Variants in OR51L1 observed in about 807,000 individuals in gnomAD.
OR51L1 encodes olfactory receptor 51L1.
OR51L1 carries 1 observed loss-of-function variant against 1.4 expected under a neutral mutation model. The observed-to-expected ratio is 0.72, with a 90% confidence interval of 0.26 to 3.42. The LOEUF (loss-of-function observed/expected upper bound fraction) is 3.42, where lower values mean the gene tolerates loss of function less well. OR51L1 is among the 30% of genes most tolerant of loss of function. OR51L1 has a pLI of 0.20. For missense variants in OR51L1, 378 were observed against 380.0 expected, an observed-to-expected ratio of 0.99 and a Z score of 0.04; for synonymous variants, 156 against 144.2, an observed-to-expected ratio of 1.08 and a Z score of -0.59.
In OR51L1 at chr11:5,000,013, C is replaced by T; in HGVS notation, c.*83C>T. On this transcript the variant is annotated 3_prime_UTR_variant, in exon 3 of 3. Coordinates refer to ENST00000641819, the MANE Select transcript of OR51L1 (RefSeq NM_001004755.2). ...TGAAAAGTAAAATATCTGGGTGTTG[C>T]TCATCTGGTTAAAATCCTAATTCTT... 1 of 1,307,962 alleles carries T rather than the reference C, an allele frequency of 7.6e-7. No individual in the cohort carries two copies. Among genetic ancestry groups the T allele is most frequent in the Non-Finnish European group, 1.0e-6 (1 of 971,436 alleles). 81.0% of individuals were successfully genotyped at this position (1,307,962 alleles called of 1,614,324 possible). A position where few individuals can be genotyped will look rare whatever the true frequency, so the allele number is the denominator to read the frequency against.
At chr11:4,997,798 T>C (rs1847085680) in intron 2 of OR51L1, among the ~76,000 whole-genome samples, 1 of 152,146 alleles carries the variant, frequency 6.6e-6, no homozygotes. Flanking sequence ...CAGATGTTAA[T>C]ATCATATTTT....
At chr11:4,998,058 T>C (rs1847087848) in intron 2 of OR51L1, among the ~76,000 whole-genome samples, 1 of 152,134 alleles carries the variant, frequency 6.6e-6, no homozygotes, top group African/African-American at 2.4e-5. Flanking sequence ...AAACATGTAA[T>C]AGATAACTGT....
Position 5,001,381 on chromosome 11 carries a change from A to C in OR51L1, c.*1451A>C, listed in dbSNP as rs1188125457. 6.6e-6 allele frequency: 1 copy of C among 152,224 alleles called. No individual in the cohort carries two copies. Among genetic ancestry groups the C allele is most frequent in the Non-Finnish European group, 1.5e-5 (1 of 68,038 alleles). 9.4% of individuals were successfully genotyped at this position (152,224 alleles called of 1,614,324 possible). A position where few individuals can be genotyped will look rare whatever the true frequency, so the allele number is the denominator to read the frequency against. On this transcript the variant is annotated 3_prime_UTR_variant, in exon 3 of 3. Coordinates refer to ENST00000641819, the MANE Select transcript of OR51L1 (RefSeq NM_001004755.2). ...TTGTAAAATATACATATATATTTTA[A>C]AGAAAATGGGGTACTCAGTTACAGG...
chr11:5,002,853 T>A lies in OR51L1; in HGVS notation c.*2923T>A, dbSNP rs1456653373. On this transcript the variant is annotated 3_prime_UTR_variant, in exon 3 of 3. Coordinates refer to ENST00000641819, the MANE Select transcript of OR51L1 (RefSeq NM_001004755.2). Reference sequence around the variant, plus strand: ...AACAAACTGCACACTAAATTTTACCTCAAAGTCTGCTTCCCAGAGAACCCT... The same window carrying A: ...AACAAACTGCACACTAAATTTTACCACAAAGTCTGCTTCCCAGAGAACCCT... 6.6e-6 allele frequency: 1 copy of A among 152,148 alleles called. No individual in the cohort carries two copies. The highest frequency in any genetic ancestry group is 2.4e-5 in the African/African-American group (1 of 41,430). 9.4% of individuals were successfully genotyped at this position (152,148 alleles called of 1,614,324 possible). A position where few individuals can be genotyped will look rare whatever the true frequency, so the allele number is the denominator to read the frequency against.
At position 5,004,536 on chromosome 11, in the gene OR51L1, A is replaced by G. The variant is rs1847159578; in HGVS notation, c.*4606A>G. 1 of 152,164 alleles carries G rather than the reference A, an allele frequency of 6.6e-6. No individual in the cohort carries two copies. Among genetic ancestry groups the G allele is most frequent in the Admixed American group, 6.6e-5 (1 of 15,266 alleles). The allele number at this position is 152,164 out of a possible 1,614,324, so 9.4% of individuals were successfully genotyped here. On this transcript the variant is annotated 3_prime_UTR_variant, in exon 3 of 3. Transcript: ENST00000641819. ...GTTGAAATTTGATAGGATGAGTATT[A>G]CTAAATATTTCTCATTACACGCCTC...
At chr11:4,996,158 G>A (rs1453509954) in intron 1 of OR51L1, among the ~76,000 whole-genome samples, 1 of 152,040 alleles carries the variant, frequency 6.6e-6, no homozygotes, top group Admixed American at 6.6e-5. Flanking sequence ...AAACCAATAT[G>A]AGCAAGAATT....
rs980785735 is a variant in OR51L1 at position 5,003,149 on chromosome 11, T to G, written c.*3219T>G. On this transcript the variant is annotated 3_prime_UTR_variant, in exon 3 of 3. Transcript: ENST00000641819. ...AGAAGAGGAAAAAAGGAAAGTACGC[T>G]TGGAAGAGACCCAAGGGTAAATTGA... is the stretch of plus-strand genomic sequence containing the variant. The G allele has an allele frequency of 6.6e-6, 1 of 152,188 alleles. No homozygotes were observed. Among genetic ancestry groups the G allele is most frequent in the African/African-American group, 2.4e-5 (1 of 41,444 alleles). 9.4% of individuals were successfully genotyped at this position (152,188 alleles called of 1,614,324 possible).
In OR51L1 at chr11:5,005,285, G is replaced by T. The variant is rs1847166099; in HGVS notation, c.*5355G>T. 6.6e-6 allele frequency: 1 copy of T among 152,184 alleles called. No individual in the cohort carries two copies. The highest frequency in any genetic ancestry group is 1.5e-5 in the Non-Finnish European group (1 of 68,040). The allele number at this position is 152,184 out of a possible 1,614,324, so 9.4% of individuals were successfully genotyped here. A position where few individuals can be genotyped will look rare whatever the true frequency, so the allele number is the denominator to read the frequency against. ...CCTACCCAGAGACGACTACATGATT[G>T]AGTCTTCCTTTACTCCCTTTCTCGC... On this transcript the variant is annotated 3_prime_UTR_variant, in exon 3 of 3. Transcript: ENST00000641819.
Position 5,000,050 on chromosome 11 carries a change from A to G in OR51L1, c.*120A>G, listed in dbSNP as rs1205726289. ...AAATCCTAATTCTTTCACTTCTTATACATGTAATTTCAGTTAATCTTTAAC... is the reference window on the plus strand; with the variant it reads ...AAATCCTAATTCTTTCACTTCTTATGCATGTAATTTCAGTTAATCTTTAAC... On this transcript the variant is annotated 3_prime_UTR_variant, in exon 3 of 3. Coordinates refer to ENST00000641819, the MANE Select transcript of OR51L1 (RefSeq NM_001004755.2). The G allele has an allele frequency of 3.9e-6, 4 of 1,024,976 alleles. No homozygotes were observed. In the African/African-American group the frequency reaches 6.5e-5, roughly 17 times the overall value. 63.5% of individuals were successfully genotyped at this position (1,024,976 alleles called of 1,614,324 possible).
rs1847115120 is a variant in OR51L1, at chr11:4,999,945, C to T, written c.*15C>T. The stretch of plus-strand genomic sequence containing the variant: ...GGAGGTTTTAAGTAACCTCTGTCCT[C>T]CAACTTTTCCACTGAAAATCTCATG... On this transcript the variant is annotated 3_prime_UTR_variant, in exon 3 of 3. Transcript: ENST00000641819. 9 of 1,564,450 alleles carry T rather than the reference C, an allele frequency of 5.8e-6. No homozygotes were observed. The highest frequency in any genetic ancestry group is 7.8e-6 in the Non-Finnish European group (9 of 1,156,266).
Position 4,999,534 on chromosome 11 carries a change from G to C in OR51L1, c.552G>C (p.Gln184His). 2 of 1,613,992 alleles carry C rather than the reference G, an allele frequency of 1.2e-6. No homozygotes were observed. Among genetic ancestry groups the C allele is most frequent in the Non-Finnish European group, 1.7e-6 (2 of 1,179,994 alleles). ...NALSHAFCLHQDVLRLSCTDA... is the reference protein window; with the variant it reads ...NALSHAFCLHHDVLRLSCTDA... ...TCTCTCACGCCTTCTGTTTGCACCA[G>C]GATGTTCTAAGATTATCCTGTACAG... Residue 184 changes from glutamine to histidine, a missense_variant, in exon 3 of 3, where the codon CAG becomes CAC. Coordinates refer to ENST00000641819, the MANE Select transcript of OR51L1 (RefSeq NM_001004755.2).
rs1847166506 is a variant in OR51L1, at chr11:5,005,327, A to G, written c.*5397A>G. ...CTTTCTCGCTTCAGACATTCACCTT[A>G]TCTTACGTAAAATGTAGATTTACTG... On this transcript the variant is annotated 3_prime_UTR_variant, in exon 3 of 3. Transcript: ENST00000641819. 1 of 152,160 alleles carries G rather than the reference A, an allele frequency of 6.6e-6. No individual in the cohort carries two copies. The allele number at this position is 152,160 out of a possible 1,614,324, so 9.4% of individuals were successfully genotyped here. A position where few individuals can be genotyped will look rare whatever the true frequency, so the allele number is the denominator to read the frequency against.
intron 2 of OR51L1, among the ~76,000 whole-genome samples, chr11:4,997,994 C>G (rs1847087230): frequency 6.6e-6 from 1 of 151,940 alleles, no homozygotes; most frequent in Non-Finnish European, 1.5e-5. Context: ...AAACAGAAAT[C>G]AATCAATCAA....
chr11:4,997,856 A>G (rs886996343), intron 2 of OR51L1, among the ~76,000 whole-genome samples: 2 of 152,190 alleles, frequency 1.3e-5, no homozygotes, highest in African/African-American at 4.8e-5. Context: ...CTGATAGTGA[A>G]TATTTAAGGC....
Position 5,001,543 on chromosome 11 carries a change from T to A in OR51L1, c.*1613T>A, listed in dbSNP as rs1847131448. On this transcript the variant is annotated 3_prime_UTR_variant, in exon 3 of 3. Transcript: ENST00000641819. ...GTTGTGCACAATCTCAACCCTCATC[T>A]TTTAATAATACTTTTACCTCTTGTT... 1 of 152,196 alleles carries A rather than the reference T, an allele frequency of 6.6e-6. No homozygotes were observed. Among genetic ancestry groups the A allele is most frequent in the South Asian group, 2.1e-4 (1 of 4,826 alleles). 9.4% of individuals were successfully genotyped at this position (152,196 alleles called of 1,614,324 possible).
intron 2 of OR51L1, 41 bp from the exon 3 acceptor site, chr11:4,998,783 G>A: frequency 5.4e-6 from 3 of 557,566 alleles, no homozygotes; most frequent in South Asian, 6.3e-5. Context: ...TTTTGTTCCA[G>A]AATTTGTGCT....
In OR51L1 at chr11:4,999,485, A is replaced by C; in HGVS notation, c.503A>C (p.Tyr168Ser). ...VLPTPLLLRH[Y>S]HYCHGNALSH... ...CCCACACCTTTGCTACTGAGACACTATCACTACTGCCATGGCAATGCCCTC... is the reference window on the plus strand; with the variant it reads ...CCCACACCTTTGCTACTGAGACACTCTCACTACTGCCATGGCAATGCCCTC... Residue 168 changes from tyrosine (Y) to serine (S), a missense_variant, in exon 3 of 3, where the codon TAT becomes TCT. Physicochemically the swap from Tyr to Ser is moderately radical, Grantham distance 144 (BLOSUM62 -2). Coordinates refer to ENST00000641819, the MANE Select transcript of OR51L1 (RefSeq NM_001004755.2). 4 of 1,614,128 alleles carry C rather than the reference A, an allele frequency of 2.5e-6. No individual in the cohort carries two copies. The highest frequency in any genetic ancestry group is 3.4e-6 in the Non-Finnish European group (4 of 1,180,042).
chr11:4,999,859 G>T lies in OR51L1; in HGVS notation c.877G>T (p.Val293Phe). The change falls in exon 3 of 3, where the codon GTC (valine) becomes TTC (phenylalanine). Residue 293 changes from valine to phenylalanine, a missense_variant. Coordinates refer to ENST00000641819, the MANE Select transcript of OR51L1 (RefSeq NM_001004755.2). ...TCTTCCCCCAGTCCTTAACCCTATT[G>T]TCTATAGTGTCAGAACAAAGCAGAT... is the stretch of plus-strand genomic sequence containing the variant. The part of the protein sequence containing the change: ...LLLPPVLNPI[V>F]YSVRTKQIRL... 3 of 1,613,942 alleles carry T rather than the reference G, an allele frequency of 1.9e-6. No homozygotes were observed. The highest frequency in any genetic ancestry group is 2.5e-6 in the Non-Finnish European group (3 of 1,179,946).
At position 5,001,831 on chromosome 11, in the gene OR51L1, A is replaced by G. The variant is rs913989525; in HGVS notation, c.*1901A>G. On this transcript the variant is annotated 3_prime_UTR_variant, in exon 3 of 3. Coordinates refer to ENST00000641819, the MANE Select transcript of OR51L1 (RefSeq NM_001004755.2). Reference sequence around the variant, plus strand: ...TCATTAAATAATTGAAATAACTATTATAGTTATTGCTGTTAGTACTGTGGA... The same window carrying G: ...TCATTAAATAATTGAAATAACTATTGTAGTTATTGCTGTTAGTACTGTGGA... 11 of 152,208 alleles carry G rather than the reference A, an allele frequency of 7.2e-5. No individual in the cohort carries two copies. Among genetic ancestry groups the G allele is most frequent in the African/African-American group, 2.2e-4 (9 of 41,450 alleles). The allele number at this position is 152,208 out of a possible 1,614,324, so 9.4% of individuals were successfully genotyped here.
Sources: allele counts gnomAD v4.1 joint callset (sites outside exome capture counted in the v4.1 genomes callset), GRCh38; gene constraint gnomAD v4.1.1; transcripts MANE v1.5; gene names NCBI Gene and HGNC (gene_info 2026-07-23, HGNC 2026-07-21).